Variants in MACO1 observed in about 807,000 individuals in gnomAD.
MACO1 encodes the protein macoilin.
MACO1 carries 14 observed loss-of-function variants against 78.7 expected under a neutral mutation model. The ratio of observed to expected loss-of-function variants is 0.18; its 90% confidence interval spans 0.12 to 0.28. The LOEUF is 0.28. Among genes scored for constraint, MACO1 ranks in the 10% least tolerant of loss-of-function variants. The probability of loss-of-function intolerance (pLI) is 1.00; values close to 1 mark genes in which losing one functional copy is unlikely to be tolerated. For synonymous variants in MACO1, 288 were observed against 291.6 expected, an observed-to-expected ratio of 0.99 and a Z score of 0.12; for missense variants, 501 against 799.0, an observed-to-expected ratio of 0.63 and a Z score of 4.50.
chr1:25,484,622 G>T (rs1210943077), intron 7 of MACO1, among the ~76,000 whole-genome samples: 2 of 152,064 alleles, frequency 1.3e-5, no homozygotes, highest in Non-Finnish European at 2.9e-5. Context: ...ATTTCTAGAG[G>T]ATTTGACTAT....
Position 25,490,688 on chromosome 1 carries a change from A to T in MACO1, c.1618-722A>T, listed in dbSNP as rs573427679. Among the ~76,000 whole-genome samples the T allele has an allele frequency of 1.1e-4, 16 of 152,368 alleles. No individual in the cohort carries two copies. The East Asian group carries it at 2.1e-3, about 20-fold the overall frequency. The stretch of plus-strand genomic sequence containing the variant: ...ATGGGAGAGTCATTTAAATTTTGGT[A>T]TGTAAACATTCAGGAATATTGTACA... On this transcript the variant is annotated intron_variant, in intron 9 of 10. Transcript: ENST00000374343.
At chr1:25,477,424 C>G (rs111903974) in intron 6 of MACO1, among the ~76,000 whole-genome samples, 2,642 of 152,216 alleles carry the variant, frequency 0.017, 34 homozygotes, top group Non-Finnish European at 0.028. Context: ...TTTTGAAGCC[C>G]CTTCTCCTAC....
intron 3 of MACO1, among the ~76,000 whole-genome samples, chr1:25,449,382 G>A (rs1430641205): frequency 6.6e-6 from 1 of 152,198 alleles, no homozygotes; most frequent in East Asian, 1.9e-4. Context: ...AAAACCTACA[G>A]TGACAAGGAA....
intron 4 of MACO1, 107 bp downstream of exon 4, chr1:25,454,489 T>TATATATATATATATATATA (rs371533394): frequency 8.9e-5 from 8 of 89,930 alleles, no homozygotes; most frequent in African/African-American, 3.4e-4. Flanking sequence ...TATATATATA[T>TATATATATATATATATATA]TTTTTTTTTT....
At chr1:25,454,480 ATATATATATT>A in intron 4 of MACO1, 98 bp downstream of exon 4, 1 of 162,602 alleles carries the variant, frequency 6.1e-6, no homozygotes, top group Non-Finnish European at 9.7e-6. Flanking sequence ...GTATATATAT[ATATATATATT>A]TTTTTTTTTT....
chr1:25,474,017 A>ACT (rs1372913100), intron 6 of MACO1, among the ~76,000 whole-genome samples: 5 of 152,060 alleles, frequency 3.3e-5, no homozygotes, highest in Admixed American at 2.6e-4. Context: ...GCAGACTCAG[A>ACT]CTCCTACAGG....
chr1:25,492,967 C>G (rs1330954460), intron 10 of MACO1, among the ~76,000 whole-genome samples: 2 of 152,120 alleles, frequency 1.3e-5, no homozygotes, highest in African/African-American at 4.8e-5. Flanking sequence ...AGGAGGATCA[C>G]TTGAGCCCAG....
chr1:25,487,734 A>T (rs1270209664), intron 8 of MACO1, among the ~76,000 whole-genome samples: 1 of 152,152 alleles, frequency 6.6e-6, no homozygotes, highest in Non-Finnish European at 1.5e-5. Flanking sequence ...AAGTGGGGGG[A>T]AAATTTTTTT....
At position 25,458,764 on chromosome 1, in the gene MACO1, C is replaced by T. The variant is rs574758349; in HGVS notation, c.1026C>T (p.Ser342=). ...GAAGTCATAGCGCCACAAATGGGAG[C>T]ATTCCTTCCTCATCTAGTAAAAATG... The part of the protein sequence containing the change: ...SPRSHSATNG[S]IPSSSSKNEK... Residue 342 remains serine, a synonymous_variant, in exon 6 of 11, where the codon AGC becomes AGT. Transcript: ENST00000374343. 1 of 1,614,164 alleles carries T rather than the reference C, an allele frequency of 6.2e-7. No homozygotes were observed. The highest frequency in any genetic ancestry group is 8.5e-7 in the Non-Finnish European group (1 of 1,180,044).
At chr1:25,434,022 A>C (rs983563558) in intron 1 of MACO1, among the ~76,000 whole-genome samples, 1 of 152,224 alleles carries the variant, frequency 6.6e-6, no homozygotes, top group Non-Finnish European at 1.5e-5. Flanking sequence ...CATGGGCTGC[A>C]GTCCAACAAC....
rs147126724 is a variant in MACO1 at position 25,443,569 on chromosome 1, C to T, written c.81-3193C>T. 3.8e-3 allele frequency among the ~76,000 whole-genome samples: 585 copies of T among 152,290 alleles called. 2 individuals are homozygous for T. The highest frequency in any genetic ancestry group is 0.013 in the African/African-American group (559 of 41,558). ...AAAAGAAATGTATCAAAAGGAACCC[C>T]GCCTTAAAGTTATGCAATTGAAAAA... On this transcript the variant is annotated intron_variant, in intron 1 of 10. Transcript: ENST00000374343.
chr1:25,477,773 A>G (rs2043334952), intron 6 of MACO1, among the ~76,000 whole-genome samples: 1 of 152,220 alleles, frequency 6.6e-6, no homozygotes, highest in African/African-American at 2.4e-5. Flanking sequence ...GCTTAAAACC[A>G]TGAAGTTATT....
intron 10 of MACO1, among the ~76,000 whole-genome samples, chr1:25,493,834 G>A (rs1455218213): frequency 2.7e-5 from 4 of 146,740 alleles, no homozygotes; most frequent in African/African-American, 1.0e-4. Context: ...CCGGGTTCAC[G>A]CCATTCTCCT....
Position 25,456,700 on chromosome 1 carries a change from T to C in MACO1, c.521T>C (p.Val174Ala). 1 of 1,613,968 alleles carries C rather than the reference T, an allele frequency of 6.2e-7. No individual in the cohort carries two copies. The highest frequency in any genetic ancestry group is 8.5e-7 in the Non-Finnish European group (1 of 1,179,944). Reference protein sequence around the residue: ...VTLGFGFKSYVSYKMRLRKQK... With the variant: ...VTLGFGFKSYASYKMRLRKQK... ...TTGGGGTTTGGCTTCAAAAGTTACG[T>C]AAGCTACAAAATGCGGTTAAGGAAG... Residue 174 changes from valine to alanine, a missense_variant, in exon 5 of 11, where the codon GTA (valine) becomes GCA (alanine). By Grantham distance (64) the Val-to-Ala change is moderately conservative. Around this residue, in one of 5 missense-constraint regions of MACO1, gnomAD observed 171 missense variants for 292.1 expected, o/e 0.59. Coordinates refer to ENST00000374343, the MANE Select transcript of MACO1 (RefSeq NM_018202.6).
At chr1:25,439,414 AAAAAAG>A (rs1285020991) in intron 1 of MACO1, among the ~76,000 whole-genome samples, 5 of 151,338 alleles carry the variant, frequency 3.3e-5, no homozygotes, top group Non-Finnish European at 7.4e-5. Flanking sequence ...ATAAACAAAC[AAAAAAG>A]GGCATATTTC....
intron 10 of MACO1, among the ~76,000 whole-genome samples, chr1:25,497,401 T>C (rs1329734335): frequency 6.6e-6 from 1 of 150,794 alleles, no homozygotes; most frequent in Non-Finnish European, 1.5e-5. Context: ...AAAAAGAATT[T>C]AGGAGTTGTA....
At position 25,468,808 on chromosome 1, in the gene MACO1, T is replaced by C. The variant is rs956243411; in HGVS notation, c.1154+9916T>C. Among the ~76,000 whole-genome samples, 4 of 152,314 alleles carry C rather than the reference T, an allele frequency of 2.6e-5. No individual in the cohort carries two copies. In the East Asian group the frequency reaches 7.7e-4, roughly 29 times the overall value. On this transcript the variant is annotated intron_variant, in intron 6 of 10. Transcript: ENST00000374343. Reference sequence around the variant, plus strand: ...CATAGAGAGGCACTTTGGGAGATTTTAACTCATTTGTTTACACTGAGGAGT... The same window carrying C: ...CATAGAGAGGCACTTTGGGAGATTTCAACTCATTTGTTTACACTGAGGAGT...
intron 1 of MACO1, among the ~76,000 whole-genome samples, chr1:25,433,367 G>A (rs966643189): frequency 1.8e-4 from 28 of 151,938 alleles, no homozygotes; most frequent in African/African-American, 6.5e-4. Flanking sequence ...AAACTAGAAT[G>A]CTTGAGGATT....
chr1:25,440,042 A>G (rs1303884993), intron 1 of MACO1, among the ~76,000 whole-genome samples: 2 of 151,746 alleles, frequency 1.3e-5, no homozygotes, highest in African/African-American at 4.8e-5. Context: ...GATTGAGAAT[A>G]TCACAGAGAT....
Sources: allele counts gnomAD v4.1 joint callset (sites outside exome capture counted in the v4.1 genomes callset), GRCh38; gene constraint gnomAD v4.1.1; regional missense constraint gnomAD v4.1.1; transcripts MANE v1.5; gene names NCBI Gene and HGNC (gene_info 2026-07-23, HGNC 2026-07-21).